The following MAP3K9 variants were observed in gnomAD, a reference collection of about 807,000 sequenced individuals.
The protein encoded by MAP3K9 is mitogen-activated protein kinase kinase kinase 9.
MAP3K9 carries 46 observed loss-of-function variants against 95.8 expected under a neutral mutation model. The ratio of observed to expected loss-of-function variants is 0.48; its 90% CI spans 0.38 to 0.61. MAP3K9 has a LOEUF of 0.61. MAP3K9 is among the 20% of genes least tolerant of loss of function. The pLI, the probability that MAP3K9 is intolerant of heterozygous loss-of-function variation, is 0.00. For synonymous variants in MAP3K9, 533 were observed against 593.8 expected, an observed-to-expected ratio of 0.90 and a Z score of 1.49; for missense variants, 1,296 against 1,474.3, an observed-to-expected ratio of 0.88 and a Z score of 1.98.
chr14:70,773,962 A>G (rs1422312443), intron 2 of MAP3K9, among the ~76,000 whole-genome samples: 1 of 152,240 alleles, frequency 6.6e-6, no homozygotes, highest in Non-Finnish European at 1.5e-5. Context: ...TCATTACTAC[A>G]GCAAAACAGA....
intron 3 of MAP3K9, among the ~76,000 whole-genome samples, chr14:70,758,343 T>G (rs2054324411): frequency 6.6e-6 from 1 of 152,174 alleles, no homozygotes; most frequent in South Asian, 2.1e-4. Context: ...AAATACTATT[T>G]CATATCCACA....
At chr14:70,738,908 T>G (rs1402630085) in intron 7 of MAP3K9, among the ~76,000 whole-genome samples, 1 of 151,840 alleles carries the variant, frequency 6.6e-6, no homozygotes, top group Non-Finnish European at 1.5e-5. Context: ...AGGAGGAATA[T>G]TTTTCTGACA....
chr14:70,740,299 A>G, intron 6 of MAP3K9, 135 bp from the exon 7 acceptor site: 1 of 917,006 alleles, frequency 1.1e-6, no homozygotes, highest in Non-Finnish European at 1.6e-6. Flanking sequence ...CACCTGGGAA[A>G]TGTTCTCTTT....
At chr14:70,782,015 C>A (rs183071613) in intron 2 of MAP3K9, among the ~76,000 whole-genome samples, 3 of 152,324 alleles carry the variant, frequency 2.0e-5, no homozygotes, top group Non-Finnish European at 4.4e-5. Context: ...CCTGGGAGGT[C>A]ATAGCTATGG....
At chr14:70,776,372 A>T (rs990554869) in intron 2 of MAP3K9, among the ~76,000 whole-genome samples, 1 of 151,876 alleles carries the variant, frequency 6.6e-6, no homozygotes, top group Admixed American at 6.6e-5. Flanking sequence ...GCTTGCGGGG[A>T]GGGTGTTGAT....
intron 2 of MAP3K9, among the ~76,000 whole-genome samples, chr14:70,763,704 T>C (rs932795847): frequency 8.6e-5 from 13 of 151,970 alleles, no homozygotes; most frequent in Non-Finnish European, 1.8e-4. Context: ...CTAATTATTT[T>C]AGTTTTTGTA....
rs537930400 is a variant in MAP3K9 at position 70,806,146 on chromosome 14, C to T, written c.406+2620G>A. Among the ~76,000 whole-genome samples the T allele has an allele frequency of 9.2e-5, 14 of 152,294 alleles. No individual in the cohort carries two copies. The East Asian group carries it at 2.7e-3, about 29-fold the overall frequency. On this transcript the variant is annotated intron_variant, in intron 1 of 11. Coordinates refer to ENST00000554752, the MANE Select transcript of MAP3K9 (RefSeq NM_001284230.2). ...GTGGCTCAATTTCATTCCAAGTCTT[C>T]GGAGACAAGGTTTGTCAATCGTCTT...
Position 70,749,984 on chromosome 14 carries a change from C to T in MAP3K9, c.1099G>A (p.Ala367Thr), listed in dbSNP as rs879195926. The change falls in exon 4 of 12, where the codon GCC becomes ACC. Residue 367 changes from alanine to threonine, a missense_variant. Physicochemically the swap from Ala to Thr is moderately conservative, Grantham distance 58. Transcript: ENST00000554752. ...VAYGVAMNKL[A>T]LPIPSTCPEP... Reference sequence around the variant, plus strand: ...GGGCACGTAGAAGGAATAGGAAGGGCGAGTTTGTTCATGGCCACTCCATAA... The same window carrying T: ...GGGCACGTAGAAGGAATAGGAAGGGTGAGTTTGTTCATGGCCACTCCATAA... The T allele has an allele frequency of 1.2e-6, 2 of 1,614,172 alleles. No homozygotes were observed. The highest frequency in any genetic ancestry group is 8.5e-7 in the Non-Finnish European group (1 of 1,180,036).
chr14:70,799,032 A>G (rs1429876380), intron 2 of MAP3K9, among the ~76,000 whole-genome samples: 1 of 152,252 alleles, frequency 6.6e-6, no homozygotes, highest in Non-Finnish European at 1.5e-5. Flanking sequence ...GTATATGCAT[A>G]AACCAGATAC....
At chr14:70,748,227 G>T (rs1281545796) in intron 5 of MAP3K9, among the ~76,000 whole-genome samples, 2 of 152,076 alleles carry the variant, frequency 1.3e-5, no homozygotes, top group Non-Finnish European at 2.9e-5. Flanking sequence ...CATGTGACTG[G>T]CTTCACCTGT....
chr14:70,753,192 C>T (rs2054253421), intron 3 of MAP3K9, among the ~76,000 whole-genome samples: 1 of 152,192 alleles, frequency 6.6e-6, no homozygotes, highest in Non-Finnish European at 1.5e-5. Context: ...CAAGGAATCA[C>T]TAACACCAAC....
At chr14:70,797,821 T>C (rs774440078) in intron 2 of MAP3K9, among the ~76,000 whole-genome samples, 1 of 152,206 alleles carries the variant, frequency 6.6e-6, no homozygotes, top group Non-Finnish European at 1.5e-5. Context: ...AGGCTCATAT[T>C]AGACGTATAC....
In MAP3K9 at chr14:70,730,269, G is replaced by C; in HGVS notation, c.*111C>G. The C allele has an allele frequency of 6.9e-7, 1 of 1,452,410 alleles. No individual in the cohort carries two copies. Among genetic ancestry groups the C allele is most frequent in the Non-Finnish European group, 9.3e-7 (1 of 1,081,048 alleles). The allele number at this position is 1,452,410 out of a possible 1,614,324, so 90.0% of individuals were successfully genotyped here. A position where few individuals can be genotyped will look rare whatever the true frequency, so the allele number is the denominator to read the frequency against. On this transcript the variant is annotated 3_prime_UTR_variant, in exon 12 of 12. Coordinates refer to ENST00000554752, the MANE Select transcript of MAP3K9 (RefSeq NM_001284230.2). Reference sequence around the variant, plus strand: ...TCCATCTTCAAAGTGCATTATCAGTGCAAGAAGTAGGGCTGGATCTCAGGG... The same window carrying C: ...TCCATCTTCAAAGTGCATTATCAGTCCAAGAAGTAGGGCTGGATCTCAGGG...
At chr14:70,772,381 T>C (rs564850491) in intron 2 of MAP3K9, among the ~76,000 whole-genome samples, 2 of 149,734 alleles carry the variant, frequency 1.3e-5, no homozygotes, top group South Asian at 2.1e-4. Context: ...ACACCCCTCA[T>C]AGAGAGAGAG....
chr14:70,726,035 AG>A lies in MAP3K9; in HGVS notation c.*4344del, dbSNP rs1234121228. 6.6e-6 allele frequency: 1 copy of A among 152,290 alleles called. No individual in the cohort carries two copies. The highest frequency in any genetic ancestry group is 1.5e-5 in the Non-Finnish European group (1 of 68,080). 9.4% of individuals were successfully genotyped at this position (152,290 alleles called of 1,614,324 possible). ...AAGATATGTGCAAATTCACACACCC[AG>A]GAAGTAGGCAGCTTTTATCACCAGG... On this transcript the variant is annotated 3_prime_UTR_variant, in exon 12 of 12. Coordinates refer to ENST00000554752, the MANE Select transcript of MAP3K9 (RefSeq NM_001284230.2).
In MAP3K9 at chr14:70,726,285, T is replaced by C. The variant is rs1423978621; in HGVS notation, c.*4095A>G. 1.3e-5 allele frequency: 2 copies of C among 152,248 alleles called. No individual in the cohort carries two copies. Among genetic ancestry groups the C allele is most frequent in the African/African-American group, 4.8e-5 (2 of 41,458 alleles). 9.4% of individuals were successfully genotyped at this position (152,248 alleles called of 1,614,324 possible). ...CAGGTCTAGATGTCCTTGGGGTATC[T>C]CATTGTGTCCCTGAGCAACAGTAGC... On this transcript the variant is annotated 3_prime_UTR_variant, in exon 12 of 12. Transcript: ENST00000554752.
Position 70,773,905 on chromosome 14 carries a change from A to C in MAP3K9, c.821-12723T>G, listed in dbSNP as rs550952663. Among the ~76,000 whole-genome samples the C allele has an allele frequency of 6.6e-5, 10 of 152,320 alleles. No homozygotes were observed. The East Asian group carries it at 1.5e-3, about 23-fold the overall frequency. On this transcript the variant is annotated intron_variant, in intron 2 of 11. Coordinates refer to ENST00000554752, the MANE Select transcript of MAP3K9 (RefSeq NM_001284230.2). Reference sequence around the variant, plus strand: ...CTTTAAGTGTCTATTTCTCACAGCTAATCTAACTGAATTAATACAGAGTTC... The same window carrying C: ...CTTTAAGTGTCTATTTCTCACAGCTCATCTAACTGAATTAATACAGAGTTC...
intron 2 of MAP3K9, among the ~76,000 whole-genome samples, chr14:70,765,223 A>T (rs547628202): frequency 1.1e-4 from 16 of 152,246 alleles, no homozygotes; most frequent in Admixed American, 9.2e-4. Context: ...CCAGCTACTC[A>T]GGAGGCTGAG....
chr14:70,807,602 G>T (rs1390339075), intron 1 of MAP3K9, among the ~76,000 whole-genome samples: 1 of 152,110 alleles, frequency 6.6e-6, no homozygotes, highest in Non-Finnish European at 1.5e-5. Flanking sequence ...ATTTAAAGTT[G>T]GTCCTTGCTA....
Sources: gnomAD v4.1 joint callset for allele counts (sites outside exome capture counted in the v4.1 genomes callset) on GRCh38, gnomAD v4.1.1 for gene constraint, MANE v1.5 for transcripts, NCBI Gene and HGNC (gene_info 2026-07-23, HGNC 2026-07-21) for gene names.